The following PTPRK variants were observed in gnomAD, a reference collection of about 807,000 sequenced individuals.
The protein encoded by PTPRK is receptor-type tyrosine-protein phosphatase kappa.
Under a neutral mutation model 178.0 loss-of-function variants are expected in PTPRK, and 75 were observed. That is an observed-to-expected ratio of 0.42 (90% CI 0.35 to 0.51). PTPRK has a LOEUF of 0.51. Ranked by LOEUF, PTPRK falls within the 20% of genes least tolerant of loss-of-function variation. The pLI is 0.02. For missense variants in PTPRK, 1,441 were observed against 1,797.8 expected (o/e 0.80, Z 3.59); for synonymous variants, 637 against 620.6 (o/e 1.03, Z -0.39).
intron 3 of PTPRK, among the ~76,000 whole-genome samples, chr6:128,300,663 G>A (rs1480982069): frequency 7.1e-6 from 1 of 140,906 alleles, no homozygotes; most frequent in Non-Finnish European, 1.5e-5. Context: ...TGAACAATGA[G>A]AACACACGGA....
chr6:128,327,907 T>G lies in PTPRK; in HGVS notation c.224-5597A>C, dbSNP rs116815512. ...AGTTGCAGCTCACGGGAAGATAAAG[T>G]CTGCTGGGTCACTCAGGCCAGAGCC... is the stretch of plus-strand genomic sequence containing the variant. On this transcript the variant is annotated intron_variant, in intron 2 of 29. Transcript: ENST00000368226. 2.5e-3 allele frequency among the ~76,000 whole-genome samples: 377 copies of G among 152,274 alleles called. 3 individuals carry two copies. Among genetic ancestry groups the G allele is most frequent in the African/African-American group, 8.3e-3 (343 of 41,556 alleles).
chr6:128,138,839 G>GTT (rs1447146103), intron 7 of PTPRK, among the ~76,000 whole-genome samples: 1 of 151,958 alleles, frequency 6.6e-6, no homozygotes, highest in African/African-American at 2.4e-5. Flanking sequence ...GAAACTTAAT[G>GTT]GACATGTTCT....
At chr6:127,998,489 T>A (rs1777427417) in intron 16 of PTPRK, among the ~76,000 whole-genome samples, 1 of 151,962 alleles carries the variant, frequency 6.6e-6, no homozygotes, top group African/African-American at 2.4e-5. Flanking sequence ...AATCCAACAT[T>A]AAAGATTCTT....
At chr6:128,118,364 C>T (rs113721550) in intron 7 of PTPRK, among the ~76,000 whole-genome samples, 3,910 of 152,256 alleles carry the variant, frequency 0.026, 75 homozygotes, top group Middle Eastern at 0.092. Flanking sequence ...TATTTTTTCT[C>T]TAATATGGCC....
At chr6:128,265,818 C>T (rs552713932) in intron 3 of PTPRK, among the ~76,000 whole-genome samples, 4 of 152,108 alleles carry the variant, frequency 2.6e-5, no homozygotes, top group South Asian at 4.2e-4. Context: ...TGTTTGACTC[C>T]AAAATTCTTA....
intron 13 of PTPRK, among the ~76,000 whole-genome samples, chr6:128,038,566 T>C (rs2114825861): frequency 6.6e-6 from 1 of 152,294 alleles, no homozygotes; most frequent in East Asian, 1.9e-4. Context: ...AATCAGAGAC[T>C]GTCAGTGATT....
At chr6:128,013,685 A>G (rs1448460852) in intron 13 of PTPRK, among the ~76,000 whole-genome samples, 1 of 151,522 alleles carries the variant, frequency 6.6e-6, no homozygotes, top group Non-Finnish European at 1.5e-5. Context: ...TATCTTGGGC[A>G]AACTGGAATG....
chr6:128,214,498 A>G (rs984956559), intron 6 of PTPRK, among the ~76,000 whole-genome samples: 1 of 152,080 alleles, frequency 6.6e-6, no homozygotes, highest in African/African-American at 2.4e-5. Context: ...TGTGTACAAA[A>G]GCTCTCTACT....
At chr6:128,413,302 T>C (rs1842503190) in intron 1 of PTPRK, among the ~76,000 whole-genome samples, 1 of 152,128 alleles carries the variant, frequency 6.6e-6, no homozygotes, top group African/African-American at 2.4e-5. Flanking sequence ...AAGAGAACAT[T>C]CGCTGGTCCC....
At chr6:128,394,129 C>G (rs187133351) in intron 2 of PTPRK, among the ~76,000 whole-genome samples, 1 of 152,172 alleles carries the variant, frequency 6.6e-6, no homozygotes, top group Non-Finnish European at 1.5e-5. Flanking sequence ...AATACATACT[C>G]TCTTGCATCT....
chr6:128,514,823 A>G (rs576883247), intron 1 of PTPRK, among the ~76,000 whole-genome samples: 124 of 152,310 alleles, frequency 8.1e-4, no homozygotes, highest in Middle Eastern at 3.4e-3. Context: ...GAACCTCAAC[A>G]ATCTAAAAAA....
Position 128,101,465 on chromosome 6 carries a change from T to C in PTPRK, c.1163-11473A>G, listed in dbSNP as rs190072819. On this transcript the variant is annotated intron_variant, in intron 7 of 29. Transcript: ENST00000368226. ...GTACCTCATCTGTTACCACATCTAC[T>C]TAATACATCATTTAATATAATAGCT... Among the ~76,000 whole-genome samples the C allele has an allele frequency of 3.9e-5, 6 of 152,228 alleles. No homozygotes were observed. In the East Asian group the frequency reaches 1.2e-3, roughly 29 times the overall value.
chr6:128,405,213 T>C (rs993159530), intron 1 of PTPRK, among the ~76,000 whole-genome samples: 2 of 152,184 alleles, frequency 1.3e-5, no homozygotes, highest in South Asian at 2.1e-4. Flanking sequence ...ATTTATATGA[T>C]CATTAACACT....
intron 5 of PTPRK, among the ~76,000 whole-genome samples, chr6:128,227,368 G>A (rs1199496135): frequency 1.3e-5 from 2 of 152,148 alleles, no homozygotes; most frequent in Non-Finnish European, 2.9e-5. Flanking sequence ...CAGTAGCGTA[G>A]TTTTTTAATC....
chr6:128,341,587 C>T (rs1419416745), intron 2 of PTPRK, among the ~76,000 whole-genome samples: 4 of 152,050 alleles, frequency 2.6e-5, no homozygotes, highest in African/African-American at 9.7e-5. Context: ...AGATATTTAC[C>T]CCCTTGAAAC....
intron 17 of PTPRK, among the ~76,000 whole-genome samples, chr6:127,996,125 C>T (rs182993186): frequency 9.1e-4 from 139 of 151,972 alleles, no homozygotes; most frequent in African/African-American, 3.2e-3. Context: ...TTTATTATCC[C>T]GTGTATATCT....
chr6:128,095,663 T>C (rs1483797835), intron 7 of PTPRK, among the ~76,000 whole-genome samples: 1 of 152,162 alleles, frequency 6.6e-6, no homozygotes, highest in Non-Finnish European at 1.5e-5. Flanking sequence ...GAAGGTCCTG[T>C]GTGTTTTCAT....
intron 13 of PTPRK, among the ~76,000 whole-genome samples, chr6:128,015,615 C>T (rs775445633): frequency 6.6e-6 from 1 of 151,668 alleles, no homozygotes; most frequent in African/African-American, 2.4e-5. Flanking sequence ...GAGGAAAAGG[C>T]AAAAGTTATG....
intron 8 of PTPRK, 151 bp from the exon 9 acceptor site, chr6:128,083,975 G>T (rs1477260822): frequency 2.3e-6 from 1 of 438,484 alleles, no homozygotes; most frequent in East Asian, 3.5e-5. Flanking sequence ...TATATGACTA[G>T]TTCTCTGATT....
Sources: allele counts gnomAD v4.1 joint callset (sites outside exome capture counted in the v4.1 genomes callset), GRCh38; gene constraint gnomAD v4.1.1; transcripts MANE v1.5; gene names NCBI Gene and HGNC (gene_info 2026-07-23, HGNC 2026-07-21).